MCTP2: variants seen among roughly 807,000 people sequenced by gnomAD.
The protein encoded by MCTP2 is multiple C2 and transmembrane domain containing 2.
A neutral mutation model predicts 111.6 loss-of-function variants in MCTP2; 132 were observed. The ratio of observed to expected loss-of-function variants is 1.18; its 90% confidence interval spans 1.03 to 1.37. MCTP2 has a LOEUF of 1.37. MCTP2 is among the 40% of genes most tolerant of loss of function. MCTP2 has a pLI of 0.00. For missense variants in MCTP2, 1,183 were observed against 1,067.9 expected (o/e 1.11, Z -1.50); for synonymous variants, 395 against 387.7 (o/e 1.02, Z -0.22).
At chr15:94,413,965 G>T (rs955894623) in intron 17 of MCTP2, among the ~76,000 whole-genome samples, 2 of 152,074 alleles carry the variant, frequency 1.3e-5, no homozygotes, top group African/African-American at 4.8e-5. Context: ...ATCTGAAAAT[G>T]CAAACTCTAA....
At chr15:94,370,283 C>A in intron 12 of MCTP2, 103 bp downstream of exon 12, 1 of 801,580 alleles carries the variant, frequency 1.2e-6, no homozygotes, top group Non-Finnish European at 1.9e-6. Flanking sequence ...ATGACTATAA[C>A]AGTCATGCTC....
intron 9 of MCTP2, among the ~76,000 whole-genome samples, chr15:94,356,939 G>A (rs892029350): frequency 3.9e-5 from 6 of 151,914 alleles, no homozygotes; most frequent in East Asian, 3.9e-4. Flanking sequence ...TCCCTAAAGC[G>A]TGATAATTAA....
chr15:94,307,286 A>C (rs1238775644), intron 2 of MCTP2, among the ~76,000 whole-genome samples: 1 of 152,184 alleles, frequency 6.6e-6, no homozygotes, highest in Non-Finnish European at 1.5e-5. Flanking sequence ...GGGAGGTGTT[A>C]TCATTTTGTA....
At chr15:94,415,151 G>A (rs956283858) in intron 17 of MCTP2, among the ~76,000 whole-genome samples, 7 of 152,050 alleles carry the variant, frequency 4.6e-5, no homozygotes, top group African/African-American at 7.2e-5. Context: ...CTGGGAGGTC[G>A]CAGAGTGTTA....
At chr15:94,369,557 A>G (rs1278534524) in intron 11 of MCTP2, among the ~76,000 whole-genome samples, 1 of 152,208 alleles carries the variant, frequency 6.6e-6, no homozygotes, top group Non-Finnish European at 1.5e-5. Context: ...GGTACTAGAT[A>G]CTTAATCTCT....
At chr15:94,347,055 C>A (rs560263233) in intron 8 of MCTP2, among the ~76,000 whole-genome samples, 1 of 152,168 alleles carries the variant, frequency 6.6e-6, no homozygotes, top group Non-Finnish European at 1.5e-5. Flanking sequence ...TTGAAAGCTA[C>A]TTATGCTCTT....
intron 21 of MCTP2, among the ~76,000 whole-genome samples, chr15:94,473,399 G>A (rs533480710): frequency 3.3e-5 from 5 of 152,310 alleles, no homozygotes; most frequent in Non-Finnish European, 5.9e-5. Context: ...CCTCTCCTGT[G>A]TAGGAGTGTG....
At chr15:94,425,825 G>T (rs1333806348) in intron 17 of MCTP2, among the ~76,000 whole-genome samples, 1 of 152,000 alleles carries the variant, frequency 6.6e-6, no homozygotes, top group African/African-American at 2.4e-5. Flanking sequence ...TTGCAAAAGA[G>T]ACTTAAACAG....
chr15:94,244,330 A>G (rs990740490), intron 1 of MCTP2, among the ~76,000 whole-genome samples: 1 of 148,962 alleles, frequency 6.7e-6, no homozygotes, highest in African/African-American at 2.5e-5. Flanking sequence ...ATACACATGT[A>G]TATATACACG....
intron 8 of MCTP2, among the ~76,000 whole-genome samples, chr15:94,351,867 C>G (rs1006181234): frequency 6.6e-6 from 1 of 152,198 alleles, no homozygotes; most frequent in Non-Finnish European, 1.5e-5. Context: ...CTCCTGACTT[C>G]ATGCCCTCCT....
Position 94,401,997 on chromosome 15 carries a change from TA to T in MCTP2, c.2065del (p.Arg689GlufsTer4). 6.2e-7 allele frequency: 1 copy of T among 1,613,528 alleles called. No homozygotes were observed. The highest frequency in any genetic ancestry group is 8.5e-7 in the Non-Finnish European group (1 of 1,179,732). ...LKSCFQWEST[L>X]RSTIAFAVFL... ...AGCTGCTTCCAGTGGGAATCCACAT[TA>T]AGAAGTACAATAGCATTCGCGGTAA... On this transcript the variant is annotated frameshift_variant, in exon 17 of 23. Transcript: ENST00000357742. LOFTEE classifies it high-confidence loss of function.
chr15:94,376,166 G>T (rs1029033224), intron 12 of MCTP2, among the ~76,000 whole-genome samples: 12 of 152,180 alleles, frequency 7.9e-5, no homozygotes, highest in African/African-American at 2.7e-4. Flanking sequence ...CCAGTTCACT[G>T]GTTCCTTGGC....
At chr15:94,330,909 A>G (rs77202251) in intron 4 of MCTP2, among the ~76,000 whole-genome samples, 1,523 of 150,646 alleles carry the variant, frequency 0.01, 25 homozygotes, top group African/African-American at 0.034. Flanking sequence ...TAATTTCTGT[A>G]TTTTTTGTAG....
chr15:94,324,483 G>GA (rs1460715034), intron 4 of MCTP2, among the ~76,000 whole-genome samples: 2 of 152,230 alleles, frequency 1.3e-5, no homozygotes, highest in Non-Finnish European at 2.9e-5. Context: ...CTAGGGCCGT[G>GA]AAAATCACTT....
At chr15:94,388,462 T>G (rs1165920454) in intron 14 of MCTP2, among the ~76,000 whole-genome samples, 1 of 152,214 alleles carries the variant, frequency 6.6e-6, no homozygotes, top group Non-Finnish European at 1.5e-5. Flanking sequence ...CCAAATGAAT[T>G]GATTCTCTAT....
At chr15:94,338,104 AT>A (rs2077454108) in intron 4 of MCTP2, among the ~76,000 whole-genome samples, 1 of 152,230 alleles carries the variant, frequency 6.6e-6, no homozygotes, top group Non-Finnish European at 1.5e-5. Context: ...AATTTTTGAT[AT>A]AATAGTCCTA....
At chr15:94,410,748 G>A (rs555292321) in intron 17 of MCTP2, among the ~76,000 whole-genome samples, 2 of 152,304 alleles carry the variant, frequency 1.3e-5, no homozygotes, top group South Asian at 2.1e-4. Flanking sequence ...TACACAGTAG[G>A]CATCTAATCA....
intron 1 of MCTP2, chr15:94,292,812 G>C (rs2075092334): frequency 6.6e-6 from 1 of 152,152 alleles, no homozygotes; most frequent in African/African-American, 2.4e-5. Context: ...CAAATTTGGA[G>C]AGGTCACACT....
chr15:94,245,515 T>C (rs1010556689), intron 1 of MCTP2, among the ~76,000 whole-genome samples: 20 of 142,428 alleles, frequency 1.4e-4, no homozygotes, highest in Admixed American at 2.2e-4. Context: ...TGTATACATA[T>C]ATGTATATAT....
Sources: gnomAD v4.1 joint callset for allele counts (sites outside exome capture counted in the v4.1 genomes callset) on GRCh38, gnomAD v4.1.1 for gene constraint, MANE v1.5 for transcripts, NCBI Gene and HGNC (gene_info 2026-07-23, HGNC 2026-07-21) for gene names.